P4HA2: variants seen among roughly 807,000 people sequenced by gnomAD.
P4HA2 encodes prolyl 4-hydroxylase subunit alpha 2.
In P4HA2, 46 loss-of-function variants were observed where a neutral mutation model predicts 76.9. The ratio of observed to expected loss-of-function variants is 0.60; its 90% CI spans 0.47 to 0.76. The LOEUF is 0.76. Ranked by LOEUF, P4HA2 falls within the 30% of genes least tolerant of loss-of-function variation. The probability of loss-of-function intolerance (pLI) is 0.00; values close to 1 mark genes in which losing one functional copy is unlikely to be tolerated. For synonymous variants in P4HA2, 243 were observed against 254.0 expected, an observed-to-expected ratio of 0.96 and a Z score of 0.41; for missense variants, 583 against 669.4, an observed-to-expected ratio of 0.87 and a Z score of 1.42.
At chr5:132,226,769 T>C (rs1755454267) in intron 1 of P4HA2, 2 of 152,436 alleles carry the variant, frequency 1.3e-5, no homozygotes, top group Non-Finnish European at 2.9e-5. Flanking sequence ...CAACTGGGCA[T>C]CTTACACATG....
rs1443837898 is a variant in P4HA2 at position 132,192,891 on chromosome 5, A to G, written c.*119T>C. On this transcript the variant is annotated 3_prime_UTR_variant, in exon 15 of 15. Coordinates refer to ENST00000360568, the MANE Select transcript of P4HA2 (RefSeq NM_001017974.2). ...CCCTAGTATGGTCTCCCTCTGCTCCAGACAAACATTCATTTCTCCAAAAAT... is the reference window on the plus strand; with the variant it reads ...CCCTAGTATGGTCTCCCTCTGCTCCGGACAAACATTCATTTCTCCAAAAAT... The G allele has an allele frequency of 1.4e-6, 1 of 731,658 alleles. No homozygotes were observed. The highest frequency in any genetic ancestry group is 2.5e-6 in the Non-Finnish European group (1 of 400,248). 45.3% of individuals were successfully genotyped at this position (731,658 alleles called of 1,614,324 possible).
In P4HA2 at chr5:132,199,071, C is replaced by A. The variant is rs369758062; in HGVS notation, c.1252-139G>T. On this transcript the variant is annotated intron_variant, in intron 10 of 14. Transcript: ENST00000360568. The stretch of plus-strand genomic sequence containing the variant: ...CAGCCTCTCTAAGGTGGAAGACAAC[C>A]ATGCCCTGGCAGCACAGGCAGAGCA... The A allele has an allele frequency of 2.0e-5, 13 of 646,866 alleles. No individual in the cohort carries two copies. The African/African-American group carries it at 2.2e-4, about 11-fold the overall frequency. The allele number at this position is 646,866 out of a possible 1,614,324, so 40.1% of individuals were successfully genotyped here.
Position 132,210,490 on chromosome 5 carries a change from T to G in P4HA2, c.503A>C (p.Asp168Ala). The G allele has an allele frequency of 6.2e-7, 1 of 1,614,036 alleles. No individual in the cohort carries two copies. Reference protein sequence around the residue: ...TKYQAMLSVDDCFGMGRSAYN... With the variant: ...TKYQAMLSVDACFGMGRSAYN... The stretch of plus-strand genomic sequence containing the variant: ...GGCCGAGCGGCCCATCCCAAAGCAG[T>G]CATCCACACTCAGCATTGCCTGGTA... The change falls in exon 6 of 15, where the codon GAC becomes GCC. Residue 168 changes from aspartate (D) to alanine (A), a missense_variant. Coordinates refer to ENST00000360568, the MANE Select transcript of P4HA2 (RefSeq NM_001017974.2).
intron 1 of P4HA2, among the ~76,000 whole-genome samples, chr5:132,220,013 G>C (rs1159856711): frequency 1.3e-5 from 2 of 152,210 alleles, no homozygotes; most frequent in African/African-American, 4.8e-5. Flanking sequence ...GTCTAGGTGT[G>C]GGGGTCCCAA....
chr5:132,190,756 G>A lies in P4HA2; in HGVS notation c.*2254C>T, dbSNP rs913970933. On this transcript the variant is annotated 3_prime_UTR_variant, in exon 15 of 15. Coordinates refer to ENST00000360568, the MANE Select transcript of P4HA2 (RefSeq NM_001017974.2). ...AATTAAAAGCTCCTGTTTATCAAAA[G>A]ACAGAACTAAAATAGTGAAAAGACA... Among the ~76,000 whole-genome samples, 1 of 152,022 alleles carries A rather than the reference G, an allele frequency of 6.6e-6. No individual in the cohort carries two copies. Among genetic ancestry groups the A allele is most frequent in the Non-Finnish European group, 1.5e-5 (1 of 67,998 alleles).
chr5:132,217,437 C>A, intron 3 of P4HA2, 89 bp from the exon 4 acceptor site: 1 of 1,339,604 alleles, frequency 7.5e-7, no homozygotes, highest in South Asian at 1.3e-5. Flanking sequence ...TTCCCTGGTG[C>A]CAGGTTCTGG....
At chr5:132,226,434 T>G (rs557272481) in intron 1 of P4HA2, among the ~76,000 whole-genome samples, 8 of 152,272 alleles carry the variant, frequency 5.3e-5, no homozygotes, top group African/African-American at 1.9e-4. Context: ...AGTCACAGTC[T>G]TGGGAGGGAT....
At chr5:132,203,547 T>C (rs1751796142) in intron 10 of P4HA2, 4 of 577,928 alleles carry the variant, frequency 6.9e-6, no homozygotes, top group Admixed American at 5.8e-5. Flanking sequence ...AGATGCTCAA[T>C]AGATATTTGT....
chr5:132,208,092 G>A (rs1007755344), intron 7 of P4HA2, among the ~76,000 whole-genome samples: 2 of 151,614 alleles, frequency 1.3e-5, no homozygotes, highest in African/African-American at 4.9e-5. Flanking sequence ...AGGATAGCTT[G>A]AGACCAGGAG....
At chr5:132,219,280 T>C (rs1394146714) in intron 1 of P4HA2, among the ~76,000 whole-genome samples, 2 of 152,180 alleles carry the variant, frequency 1.3e-5, no homozygotes, top group Non-Finnish European at 2.9e-5. Context: ...GTTCTTCCTG[T>C]AGTAAGGCTC....
chr5:132,195,391 C>T (rs1005453519), intron 13 of P4HA2, 21 bp downstream of exon 13: 6 of 1,567,000 alleles, frequency 3.8e-6, no homozygotes, highest in South Asian at 1.1e-5. Flanking sequence ...CAACCTCTGA[C>T]CCACAAGAAT....
At chr5:132,198,167 A>G in intron 12 of P4HA2, 154 bp downstream of exon 12, 4 of 1,613,482 alleles carry the variant, frequency 2.5e-6, no homozygotes, top group Non-Finnish European at 3.4e-6. Context: ...CTCTGGACCC[A>G]GGGTCCCCTT....
intron 1 of P4HA2, among the ~76,000 whole-genome samples, chr5:132,219,339 T>C (rs987689563): frequency 6.6e-6 from 1 of 152,140 alleles, no homozygotes; most frequent in Non-Finnish European, 1.5e-5. Flanking sequence ...TTCACAAATA[T>C]TTACTGAAGA....
rs534676412 is a variant in P4HA2, at chr5:132,202,515, G to A, written c.1251+1233C>T. On this transcript the variant is annotated intron_variant, in intron 10 of 14. Coordinates refer to ENST00000360568, the MANE Select transcript of P4HA2 (RefSeq NM_001017974.2). Reference sequence around the variant, plus strand: ...CTATCTTTAAGTATACAGAAACTTTGGCCAAACAGAGAGACCCAGAGGCCT... The same window carrying A: ...CTATCTTTAAGTATACAGAAACTTTAGCCAAACAGAGAGACCCAGAGGCCT... 3 of 152,280 alleles carry A rather than the reference G, an allele frequency of 2.0e-5. No individual in the cohort carries two copies. In the South Asian group the frequency reaches 6.2e-4, roughly 32 times the overall value. The allele number at this position is 152,280 out of a possible 1,614,324, so 9.4% of individuals were successfully genotyped here.
Position 132,218,757 on chromosome 5 carries a change from C to T in P4HA2, c.-18-113G>A, listed in dbSNP as rs1754261146. On this transcript the variant is annotated intron_variant, in intron 1 of 14. Coordinates refer to ENST00000360568, the MANE Select transcript of P4HA2 (RefSeq NM_001017974.2). ...TGCAGATAATCAAACATATCAAAAT[C>T]CTGGCCTAGCACACAGAAGCTAAAA... The T allele has an allele frequency of 1.4e-5, 9 of 650,432 alleles. No individual in the cohort carries two copies. The South Asian group carries it at 1.6e-4, about 11-fold the overall frequency. 40.3% of individuals were successfully genotyped at this position (650,432 alleles called of 1,614,324 possible).
At position 132,195,144 on chromosome 5, in the gene P4HA2, T is replaced by C. The variant is rs150697510; in HGVS notation, c.1435-122A>G. The stretch of plus-strand genomic sequence containing the variant: ...CCCTCATTTTCCCATGGACAGGGGA[T>C]AGGGCTCTGGGACTCCAGCAACAGA... On this transcript the variant is annotated intron_variant, in intron 13 of 14. Transcript: ENST00000360568. 367 of 714,900 alleles carry C rather than the reference T, an allele frequency of 5.1e-4. 1 individual carries two copies. The highest frequency in any genetic ancestry group is 1.9e-3 in the Middle Eastern group (8 of 4,104). 44.3% of individuals were successfully genotyped at this position (714,900 alleles called of 1,614,324 possible).
At chr5:132,196,500 G>C (rs1258307953) in intron 12 of P4HA2, among the ~76,000 whole-genome samples, 1 of 152,136 alleles carries the variant, frequency 6.6e-6, no homozygotes, top group Non-Finnish European at 1.5e-5. Context: ...TACTTCCAAA[G>C]AGAGGCCTCC....
In P4HA2 at chr5:132,190,516, A is replaced by G. The variant is rs953033970; in HGVS notation, c.*2494T>C. 2.6e-5 allele frequency among the ~76,000 whole-genome samples: 4 copies of G among 152,210 alleles called. No homozygotes were observed. The highest frequency in any genetic ancestry group is 9.6e-5 in the African/African-American group (4 of 41,454). ...GATTTAAGGATTATTACTACAGAAA[A>G]AGCCCATCCTATCCTAATAAAATAT... On this transcript the variant is annotated 3_prime_UTR_variant, in exon 15 of 15. Coordinates refer to ENST00000360568, the MANE Select transcript of P4HA2 (RefSeq NM_001017974.2).
In P4HA2 at chr5:132,207,753, C is replaced by T. The variant is rs200207377; in HGVS notation, c.1035G>A (p.Met345Ile). 1.5e-5 allele frequency: 25 copies of T among 1,613,908 alleles called. No individual in the cohort carries two copies. The South Asian group carries it at 2.6e-4, about 17-fold the overall frequency. ...SPHIVRYYDV[M>I]SDEEIERIKE... ...TGATCCTCTCGATTTCCTCATCAGA[C>T]ATGACATCGTAGTACCTGACGATGT... Residue 345 changes from methionine (M) to isoleucine (I), a missense_variant, in exon 8 of 15, where the codon ATG becomes ATA. Physicochemically the swap from Met to Ile is conservative, Grantham distance 10. Transcript: ENST00000360568.
Sources: allele counts gnomAD v4.1 joint callset (sites outside exome capture counted in the v4.1 genomes callset), GRCh38; gene constraint gnomAD v4.1.1; transcripts MANE v1.5; gene names NCBI Gene and HGNC (gene_info 2026-07-23, HGNC 2026-07-21).